Variants in LRRC4C observed in about 807,000 individuals in gnomAD.
The protein encoded by LRRC4C is leucine rich repeat containing 4C, also known as leucine-rich repeat-containing protein 4C.
A neutral mutation model predicts 33.6 loss-of-function variants in LRRC4C; 5 were observed. The ratio of observed to expected loss-of-function variants is 0.15; its 90% confidence interval spans 0.08 to 0.31. The LOEUF (loss-of-function observed/expected upper bound fraction) is 0.31. Among genes scored for constraint, LRRC4C ranks in the 10% least tolerant of loss-of-function variants. The probability of loss-of-function intolerance (pLI) is 1.00; values close to 1 mark genes in which losing one functional copy is unlikely to be tolerated. For synonymous variants in LRRC4C, 329 were observed against 302.0 expected (o/e 1.09, Z -0.93); for missense variants, 560 against 796.7 (o/e 0.70, Z 3.58).
At chr11:40,500,287 TATATATACACACACACACACACACAC>T (rs1296922607) in intron 3 of LRRC4C, among the ~76,000 whole-genome samples, 13 of 71,066 alleles carry the variant, frequency 1.8e-4, no homozygotes, top group African/African-American at 6.3e-4. Context: ...TATATATATA[TATATATACACACACACACACACACAC>T]ACACACACAC....
chr11:40,192,843 C>T (rs951731029), intron 5 of LRRC4C, among the ~76,000 whole-genome samples: 2 of 152,142 alleles, frequency 1.3e-5, no homozygotes, highest in Non-Finnish European at 2.9e-5. Context: ...CTGGGAAGTT[C>T]GGACTAGGCA....
At chr11:40,452,887 T>G (rs1234497119) in intron 3 of LRRC4C, among the ~76,000 whole-genome samples, 1 of 152,102 alleles carries the variant, frequency 6.6e-6, no homozygotes, top group Non-Finnish European at 1.5e-5. Flanking sequence ...TGTAGGGACA[T>G]GGATGAAGCT....
intron 1 of LRRC4C, among the ~76,000 whole-genome samples, chr11:41,304,157 G>A (rs868142317): frequency 1.1e-4 from 8 of 75,480 alleles, no homozygotes; most frequent in Admixed American, 3.2e-4. Flanking sequence ...CAGCCGCCCC[G>A]TCCGGGAGGG....
chr11:41,386,775 T>C (rs749643919), intron 1 of LRRC4C, among the ~76,000 whole-genome samples: 53 of 151,824 alleles, frequency 3.5e-4, no homozygotes, highest in Non-Finnish European at 6.3e-4. Flanking sequence ...AAATACTTAC[T>C]GTATAGAATA....
intron 2 of LRRC4C, among the ~76,000 whole-genome samples, chr11:40,815,325 A>G (rs1386949239): frequency 6.6e-6 from 1 of 152,138 alleles, no homozygotes; most frequent in Non-Finnish European, 1.5e-5. Context: ...TTGCCCCTTA[A>G]TTCAATTACC....
At chr11:41,046,967 G>T (rs1455531741) in intron 1 of LRRC4C, among the ~76,000 whole-genome samples, 1 of 151,958 alleles carries the variant, frequency 6.6e-6, no homozygotes. Context: ...AATGGATTTT[G>T]GATATGACAT....
chr11:41,287,636 A>G (rs1330639906), intron 1 of LRRC4C, among the ~76,000 whole-genome samples: 1 of 152,190 alleles, frequency 6.6e-6, no homozygotes, highest in Non-Finnish European at 1.5e-5. Flanking sequence ...TGGCAAACAG[A>G]TATCAATACA....
At chr11:40,524,079 A>G (rs7129451) in intron 3 of LRRC4C, among the ~76,000 whole-genome samples, 55,324 of 152,002 alleles carry the variant, frequency 0.36, 11,239 homozygotes, top group East Asian at 0.65. Context: ...CGGATGGGAA[A>G]GAGAGATGAT....
intron 3 of LRRC4C, among the ~76,000 whole-genome samples, chr11:40,532,150 G>A (rs572640216): frequency 1.3e-5 from 2 of 151,264 alleles, no homozygotes; most frequent in South Asian, 4.2e-4. Context: ...AGGTCACAAA[G>A]CTGGTATGTA....
At chr11:40,696,731 G>T (rs1053964809) in intron 2 of LRRC4C, among the ~76,000 whole-genome samples, 8 of 113,638 alleles carry the variant, frequency 7.0e-5, no homozygotes, top group Non-Finnish European at 1.5e-4. Flanking sequence ...TTGTCTCTGT[G>T]CATATATATA....
At chr11:41,026,364 A>T (rs1856359187) in intron 1 of LRRC4C, among the ~76,000 whole-genome samples, 1 of 151,698 alleles carries the variant, frequency 6.6e-6, no homozygotes, top group African/African-American at 2.4e-5. Flanking sequence ...AAGCAAGAGA[A>T]TTAGAATCAA....
At chr11:41,449,215 G>A (rs183938207) in intron 1 of LRRC4C, among the ~76,000 whole-genome samples, 1 of 152,294 alleles carries the variant, frequency 6.6e-6, no homozygotes, top group East Asian at 1.9e-4. Context: ...ATTTGAAAAG[G>A]TTTGAAGACA....
At chr11:41,326,991 C>T (rs998743521) in intron 1 of LRRC4C, among the ~76,000 whole-genome samples, 9 of 152,038 alleles carry the variant, frequency 5.9e-5, no homozygotes, top group African/African-American at 2.2e-4. Context: ...GGGCAAGAAA[C>T]CTATTCCTTA....
chr11:41,169,789 G>C (rs1351264145), intron 1 of LRRC4C, among the ~76,000 whole-genome samples: 1 of 152,148 alleles, frequency 6.6e-6, no homozygotes, highest in Non-Finnish European at 1.5e-5. Flanking sequence ...ATAAAAGCAA[G>C]TAAATGCTGC....
At chr11:40,513,709 C>G (rs1409528524) in intron 3 of LRRC4C, among the ~76,000 whole-genome samples, 1 of 152,164 alleles carries the variant, frequency 6.6e-6, no homozygotes, top group Non-Finnish European at 1.5e-5. Flanking sequence ...CTTTACAACT[C>G]TCCAGGATAG....
intron 1 of LRRC4C, among the ~76,000 whole-genome samples, chr11:41,299,355 G>T (rs1950225481): frequency 6.6e-6 from 1 of 151,980 alleles, no homozygotes; most frequent in Admixed American, 6.6e-5. Context: ...TTTTCATTAA[G>T]GTTACATTGC....
intron 3 of LRRC4C, among the ~76,000 whole-genome samples, chr11:40,354,762 CA>C: frequency 6.6e-6 from 1 of 152,184 alleles, no homozygotes; most frequent in Non-Finnish European, 1.5e-5. Flanking sequence ...CGAGTGGGTT[CA>C]AAAGTGCTGC....
intron 1 of LRRC4C, among the ~76,000 whole-genome samples, chr11:41,210,738 A>C (rs1166978450): frequency 1.3e-5 from 2 of 152,214 alleles, no homozygotes; most frequent in Non-Finnish European, 2.9e-5. Context: ...AGAGCTTCAA[A>C]GTCTGTGGAA....
At chr11:41,011,825 T>TATTATATTATATTATATTATATTAC (rs1855212602) in intron 1 of LRRC4C, among the ~76,000 whole-genome samples, 4 of 146,762 alleles carry the variant, frequency 2.7e-5, no homozygotes, top group African/African-American at 7.4e-5. Context: ...CTATGTTATA[T>TATTATATTATATTATATTATATTAC]ATTATATTAT....
Sources: gnomAD v4.1 joint callset for allele counts (sites outside exome capture counted in the v4.1 genomes callset) on GRCh38, gnomAD v4.1.1 for gene constraint, MANE v1.5 for transcripts, NCBI Gene and HGNC (gene_info 2026-07-23, HGNC 2026-07-21) for gene names.